The following ADGRB3 variants were observed in gnomAD, a reference collection of about 807,000 sequenced individuals.
The protein encoded by ADGRB3 is brain-specific angiogenesis inhibitor 3.
ADGRB3 carries 37 observed loss-of-function variants against 193.4 expected under a neutral mutation model. That is an observed-to-expected ratio of 0.19 (90% CI 0.15 to 0.25). The LOEUF (loss-of-function observed/expected upper bound fraction) is 0.25, where lower values mean the gene tolerates loss of function less well. Ranked by LOEUF, ADGRB3 falls within the 10% of genes least tolerant of loss-of-function variation. ADGRB3 has a pLI of 1.00. For missense variants in ADGRB3, 1,637 were observed against 1,852.9 expected (o/e 0.88, Z 2.14); for synonymous variants, 690 against 644.2 (o/e 1.07, Z -1.08).
intron 17 of ADGRB3, among the ~76,000 whole-genome samples, chr6:69,097,358 G>A (rs908190586): frequency 3.3e-5 from 5 of 152,142 alleles, no homozygotes; most frequent in Non-Finnish European, 7.4e-5. Flanking sequence ...CTATCTGCTA[G>A]ATCTTGGATG....
At chr6:68,886,017 A>C (rs946723039) in intron 3 of ADGRB3, among the ~76,000 whole-genome samples, 1 of 152,200 alleles carries the variant, frequency 6.6e-6, no homozygotes, top group African/African-American at 2.4e-5. Flanking sequence ...ATTTGGATAT[A>C]GACCCTCAAG....
intron 3 of ADGRB3, among the ~76,000 whole-genome samples, chr6:68,655,146 T>C (rs1037853775): frequency 6.0e-5 from 9 of 150,880 alleles, no homozygotes; most frequent in African/African-American, 2.2e-4. Flanking sequence ...GTACCAGAAT[T>C]TAGGGAGATA....
chr6:68,934,437 C>T (rs1330775583), intron 4 of ADGRB3, among the ~76,000 whole-genome samples: 1 of 152,110 alleles, frequency 6.6e-6, no homozygotes, highest in East Asian at 1.9e-4. Flanking sequence ...ATTCACTGCT[C>T]AGTTTAGTTA....
intron 3 of ADGRB3, among the ~76,000 whole-genome samples, chr6:68,817,600 G>A (rs1242997685): frequency 2.0e-5 from 3 of 151,540 alleles, no homozygotes; most frequent in Non-Finnish European, 4.4e-5. Flanking sequence ...TGAAACCCCA[G>A]CAACAACCAA....
chr6:69,278,926 A>G (rs1767358803), intron 20 of ADGRB3, among the ~76,000 whole-genome samples: 1 of 151,630 alleles, frequency 6.6e-6, no homozygotes, highest in Admixed American at 6.6e-5. Flanking sequence ...TTTAGATATT[A>G]AAACCATGTA....
chr6:69,157,471 A>G (rs185601906), intron 17 of ADGRB3, among the ~76,000 whole-genome samples: 202 of 152,158 alleles, frequency 1.3e-3, no homozygotes, highest in Non-Finnish European at 1.5e-3. Flanking sequence ...ACCAAGAACC[A>G]TTTTTCTTCC....
At chr6:69,123,084 ATAGT>A (rs1024563847) in intron 17 of ADGRB3, among the ~76,000 whole-genome samples, 2 of 151,764 alleles carry the variant, frequency 1.3e-5, no homozygotes, top group Non-Finnish European at 2.9e-5. Context: ...GTATCACCTA[ATAGT>A]TAGCCATGTT....
At chr6:69,109,822 CAT>C (rs1582467666) in intron 17 of ADGRB3, among the ~76,000 whole-genome samples, 1 of 152,010 alleles carries the variant, frequency 6.6e-6, no homozygotes, top group Non-Finnish European at 1.5e-5. Context: ...ATATCAATAA[CAT>C]ATGCAAAAAA....
At chr6:68,856,105 C>T (rs778623921) in intron 3 of ADGRB3, among the ~76,000 whole-genome samples, 3 of 152,190 alleles carry the variant, frequency 2.0e-5, no homozygotes, top group Non-Finnish European at 4.4e-5. Flanking sequence ...ACTTGCTCCT[C>T]CTTGCCTTCC....
chr6:69,248,608 T>C (rs531690438), intron 20 of ADGRB3, among the ~76,000 whole-genome samples: 2 of 152,368 alleles, frequency 1.3e-5, no homozygotes, highest in African/African-American at 4.8e-5. Flanking sequence ...AAGGGCCATA[T>C]AGTAAATACT....
chr6:69,219,541 G>A (rs1402556469), intron 17 of ADGRB3, among the ~76,000 whole-genome samples: 4 of 146,000 alleles, frequency 2.7e-5, no homozygotes, highest in African/African-American at 9.9e-5. Context: ...ATATACATGT[G>A]TATATATTCT....
Position 68,951,103 on chromosome 6 carries a change from C to T in ADGRB3, c.1196-4921C>T, listed in dbSNP as rs970331250. Reference sequence around the variant, plus strand: ...TCTTCACATGCCAACAGATATTTTACATGTAAAAGATTTTTTATTGCCAAA... The same window carrying T: ...TCTTCACATGCCAACAGATATTTTATATGTAAAAGATTTTTTATTGCCAAA... On this transcript the variant is annotated intron_variant, in intron 6 of 31. Coordinates refer to ENST00000370598, the MANE Select transcript of ADGRB3 (RefSeq NM_001704.3). Among the ~76,000 whole-genome samples the T allele has an allele frequency of 2.0e-5, 3 of 151,990 alleles. No homozygotes were observed. The East Asian group carries it at 5.8e-4, about 29-fold the overall frequency.
intron 29 of ADGRB3, among the ~76,000 whole-genome samples, chr6:69,362,345 C>T (rs1769472013): frequency 6.6e-6 from 1 of 151,922 alleles, no homozygotes; most frequent in African/African-American, 2.4e-5. Flanking sequence ...TTACATAAAA[C>T]ACTATCTACA....
Position 68,986,597 on chromosome 6 carries a change from A to C in ADGRB3, c.1735-7171A>C, listed in dbSNP as rs553416287. On this transcript the variant is annotated intron_variant, in intron 10 of 31. Coordinates refer to ENST00000370598, the MANE Select transcript of ADGRB3 (RefSeq NM_001704.3). ...GAGACTTCAGGTAGATTTATAAATA[A>C]TCAAATGCCATTGTCCAATGAGTGA... 2.0e-5 allele frequency among the ~76,000 whole-genome samples: 3 copies of C among 152,288 alleles called. No homozygotes were observed. The South Asian group carries it at 6.2e-4, about 32-fold the overall frequency.
chr6:69,183,095 T>C (rs1198318573), intron 17 of ADGRB3, among the ~76,000 whole-genome samples: 1 of 152,186 alleles, frequency 6.6e-6, no homozygotes, highest in Admixed American at 6.5e-5. Flanking sequence ...TAGGACAGTT[T>C]AATTCCCTTT....
chr6:69,142,449 C>T (rs535771562), intron 17 of ADGRB3, among the ~76,000 whole-genome samples: 5 of 152,278 alleles, frequency 3.3e-5, no homozygotes, highest in Admixed American at 2.6e-4. Flanking sequence ...AGGCTTGAAG[C>T]TAATTAAGTT....
chr6:69,165,313 A>G (rs1262086750), intron 17 of ADGRB3, among the ~76,000 whole-genome samples: 1 of 152,080 alleles, frequency 6.6e-6, no homozygotes, highest in Non-Finnish European at 1.5e-5. Context: ...CTAAATTAAG[A>G]ATCTCAGGAT....
chr6:69,197,809 G>A (rs1397832095), intron 17 of ADGRB3, among the ~76,000 whole-genome samples: 11 of 152,016 alleles, frequency 7.2e-5, no homozygotes, highest in Admixed American at 2.0e-4. Flanking sequence ...TGGAAGAAAA[G>A]ACAAAGAAGG....
intron 3 of ADGRB3, among the ~76,000 whole-genome samples, chr6:68,721,627 AAT>A (rs71852236): frequency 0.1 from 14,601 of 140,004 alleles, 763 homozygotes; most frequent in Admixed American, 0.15. Context: ...AAGTATAATA[AAT>A]ATATATATAT....
Sources: gnomAD v4.1 joint callset for allele counts (sites outside exome capture counted in the v4.1 genomes callset) on GRCh38, gnomAD v4.1.1 for gene constraint, MANE v1.5 for transcripts, NCBI Gene and HGNC (gene_info 2026-07-23, HGNC 2026-07-21) for gene names.